VPS4B: variants seen among roughly 807,000 people sequenced by gnomAD.
VPS4B encodes the protein vacuolar protein sorting 4 homolog B.
A neutral mutation model predicts 56.1 loss-of-function variants in VPS4B; 23 were observed. The ratio of observed to expected loss-of-function variants is 0.41; its 90% CI spans 0.30 to 0.58. VPS4B has a LOEUF of 0.58. VPS4B is among the 20% of genes least tolerant of loss of function. VPS4B has a pLI of 0.29. For missense variants in VPS4B, 372 were observed against 531.9 expected (o/e 0.70, Z 2.96); for synonymous variants, 177 against 186.0 (o/e 0.95, Z 0.39).
At chr18:63,392,480 G>A (rs184074809) in intron 10 of VPS4B, among the ~76,000 whole-genome samples, 17 of 152,064 alleles carry the variant, frequency 1.1e-4, no homozygotes, top group South Asian at 6.2e-4. Flanking sequence ...ACAGAGTCTC[G>A]CTCTGTTGCC....
chr18:63,399,128 C>T, intron 8 of VPS4B, 114 bp downstream of exon 8: 1 of 905,270 alleles, frequency 1.1e-6, no homozygotes, highest in Non-Finnish European at 1.7e-6. Flanking sequence ...GGTTAGAGCA[C>T]ATTACAAATC....
intron 1 of VPS4B, among the ~76,000 whole-genome samples, chr18:63,416,686 A>G (rs77941796): frequency 1.9e-3 from 294 of 152,284 alleles, no homozygotes; most frequent in African/African-American, 6.4e-3. Flanking sequence ...GAGCTGATCT[A>G]CAAGGTCTGA....
chr18:63,416,989 G>A (rs1251777381), intron 1 of VPS4B, among the ~76,000 whole-genome samples: 1 of 152,102 alleles, frequency 6.6e-6, no homozygotes, highest in Non-Finnish European at 1.5e-5. Flanking sequence ...CCCACTGGCT[G>A]TCTCCTTTAG....
chr18:63,417,592 C>G (rs182163444), intron 1 of VPS4B, among the ~76,000 whole-genome samples: 5 of 151,968 alleles, frequency 3.3e-5, no homozygotes, highest in African/African-American at 9.7e-5. Context: ...TCTGTTTCCT[C>G]CCCCCCTACA....
In VPS4B at chr18:63,422,431, GA is replaced by G; in HGVS notation, c.-173del. ...GTTTTAGACAACACTCTCTCCACCA[GA>G]GCTCCGACCCTCCCCACCAAACTTC... On this transcript the variant is annotated 5_prime_UTR_variant, in exon 1 of 11. Coordinates refer to ENST00000238497, the MANE Select transcript of VPS4B (RefSeq NM_004869.4). 1 of 497,134 alleles carries G rather than the reference GA, an allele frequency of 2.0e-6. No individual in the cohort carries two copies. Among genetic ancestry groups the G allele is most frequent in the South Asian group, 5.2e-5 (1 of 19,306 alleles). 30.8% of individuals were successfully genotyped at this position (497,134 alleles called of 1,614,324 possible).
intron 4 of VPS4B, among the ~76,000 whole-genome samples, chr18:63,406,995 TGAA>T (rs1170172495): frequency 6.6e-6 from 1 of 152,202 alleles, no homozygotes; most frequent in Non-Finnish European, 1.5e-5. Flanking sequence ...GAAAAGCAGA[TGAA>T]GAGCAGTTAA....
chr18:63,407,389 T>G, intron 4 of VPS4B, 43 bp downstream of exon 4: 1 of 1,491,534 alleles, frequency 6.7e-7, no homozygotes, highest in South Asian at 1.2e-5. Context: ...ACTTTGAGTC[T>G]TTTTAATAGG....
intron 10 of VPS4B, among the ~76,000 whole-genome samples, chr18:63,392,622 G>A (rs1003983917): frequency 6.6e-6 from 1 of 151,926 alleles, no homozygotes; most frequent in Non-Finnish European, 1.5e-5. Flanking sequence ...CTAACTTTTT[G>A]TATTTTTAGT....
chr18:63,394,530 G>T (rs935090987), intron 9 of VPS4B, among the ~76,000 whole-genome samples: 19 of 151,484 alleles, frequency 1.3e-4, no homozygotes, highest in African/African-American at 4.6e-4. Flanking sequence ...GCAGTGGTGC[G>T]ATGTCAGCTC....
At chr18:63,391,640 G>A (rs1240555281) in intron 10 of VPS4B, among the ~76,000 whole-genome samples, 1 of 152,144 alleles carries the variant, frequency 6.6e-6, no homozygotes, top group Non-Finnish European at 1.5e-5. Flanking sequence ...TTATCAGAAG[G>A]ACAATCCCCT....
At chr18:63,415,538 A>C (rs1438907973) in intron 1 of VPS4B, 1 of 286,252 alleles carries the variant, frequency 3.5e-6, no homozygotes, top group Non-Finnish European at 7.2e-6. Context: ...CTTTTCAGAG[A>C]ATGGATCTTC....
At chr18:63,395,245 C>A (rs1915644407) in intron 9 of VPS4B, among the ~76,000 whole-genome samples, 1 of 152,132 alleles carries the variant, frequency 6.6e-6, no homozygotes, top group South Asian at 2.1e-4. Flanking sequence ...AGTTCCTATG[C>A]ATTTATAGTT....
chr18:63,407,571 T>A (rs1915944948), intron 3 of VPS4B, 72 bp from the exon 4 acceptor site: 1 of 1,215,632 alleles, frequency 8.2e-7, no homozygotes, highest in Non-Finnish European at 1.1e-6. Flanking sequence ...GAAGGAAAAA[T>A]TAACCTGAAA....
chr18:63,420,307 G>C (rs915802929), intron 1 of VPS4B, among the ~76,000 whole-genome samples: 1 of 152,120 alleles, frequency 6.6e-6, no homozygotes, highest in Non-Finnish European at 1.5e-5. Context: ...AATTAGCCAG[G>C]CGTGGTGGCA....
At chr18:63,409,168 T>A (rs1915980557) in intron 3 of VPS4B, among the ~76,000 whole-genome samples, 1 of 152,158 alleles carries the variant, frequency 6.6e-6, no homozygotes, top group Admixed American at 6.5e-5. Context: ...TCACAGAAAC[T>A]CCCTGGTTCC....
intron 10 of VPS4B, among the ~76,000 whole-genome samples, chr18:63,391,679 T>G (rs905244729): frequency 6.6e-6 from 1 of 152,238 alleles, no homozygotes; most frequent in African/African-American, 2.4e-5. Flanking sequence ...CTCCAAAGTA[T>G]GTTCATGATC....
chr18:63,390,964 T>C lies in VPS4B; in HGVS notation c.*11A>G, dbSNP rs764223382. 12 of 1,557,320 alleles carry C rather than the reference T, an allele frequency of 7.7e-6. No individual in the cohort carries two copies. The Admixed American group carries it at 1.9e-4, about 24-fold the overall frequency. ...AGAATACATATGGTAAGCATCTTCC[T>C]TGTCTTTGGCTTAGCCTTCTTGACC... On this transcript the variant is annotated 3_prime_UTR_variant, in exon 11 of 11. Transcript: ENST00000238497.
intron 10 of VPS4B, among the ~76,000 whole-genome samples, chr18:63,391,629 C>G (rs886935133): frequency 6.6e-6 from 1 of 152,196 alleles, no homozygotes; most frequent in South Asian, 2.1e-4. Flanking sequence ...CTCCCCAATA[C>G]TTATCAGAAG....
intron 7 of VPS4B, 86 bp from the exon 8 acceptor site, chr18:63,399,409 T>G: frequency 8.4e-7 from 1 of 1,186,786 alleles, no homozygotes; most frequent in Non-Finnish European, 1.2e-6. Flanking sequence ...AGAAATGTGG[T>G]GCTTTACCAT....
Sources: allele counts gnomAD v4.1 joint callset (sites outside exome capture counted in the v4.1 genomes callset), GRCh38; gene constraint gnomAD v4.1.1; transcripts MANE v1.5; gene names NCBI Gene and HGNC (gene_info 2026-07-23, HGNC 2026-07-21).